Variants in SLC18A1 observed in about 807,000 individuals in gnomAD.
SLC18A1 encodes solute carrier family 18 member A1, also known as chromaffin granule amine transporter.
In SLC18A1, 69 loss-of-function variants were observed where a neutral mutation model predicts 53.7. The ratio of observed to expected loss-of-function variants is 1.28; its 90% confidence interval spans 1.06 to 1.57. The LOEUF (loss-of-function observed/expected upper bound fraction) is 1.57. Among genes scored for constraint, SLC18A1 ranks in the 40% most tolerant of loss-of-function variants. SLC18A1 has a pLI of 0.00. For synonymous variants in SLC18A1, 320 were observed against 248.1 expected, an observed-to-expected ratio of 1.29 and a Z score of -2.72; for missense variants, 932 against 668.1, an observed-to-expected ratio of 1.40 and a Z score of -4.35.
rs761637307 is a variant in SLC18A1 at position 20,174,354 on chromosome 8, G to A, written c.631+7C>T. On this transcript the variant is annotated splice_region_variant and intron_variant, in intron 5 of 15. Coordinates refer to ENST00000276373, the MANE Select transcript of SLC18A1 (RefSeq NM_003053.4). ...TGTGTGTGTGCATGATGAGTTGCCAGTGTTACCTGCAACAGATGAAAATGA... is the reference window on the plus strand; with the variant it reads ...TGTGTGTGTGCATGATGAGTTGCCAATGTTACCTGCAACAGATGAAAATGA... 1 of 1,606,956 alleles carries A rather than the reference G, an allele frequency of 6.2e-7. No individual in the cohort carries two copies. Among genetic ancestry groups the A allele is most frequent in the Non-Finnish European group, 8.5e-7 (1 of 1,173,504 alleles).
At chr8:20,146,227 T>C (rs923295872) in intron 15 of SLC18A1, among the ~76,000 whole-genome samples, 2 of 152,068 alleles carry the variant, frequency 1.3e-5, no homozygotes, top group Non-Finnish European at 2.9e-5. Context: ...CCACCGCACA[T>C]CTTTTTTTTA....
At chr8:20,175,274 T>G (rs1034207144) in intron 4 of SLC18A1, 1 of 152,202 alleles carries the variant, frequency 6.6e-6, no homozygotes, top group Non-Finnish European at 1.5e-5. Context: ...CTCATATTGT[T>G]CAAACACACA....
At chr8:20,169,557 T>G (rs1000323163) in intron 8 of SLC18A1, among the ~76,000 whole-genome samples, 1 of 152,052 alleles carries the variant, frequency 6.6e-6, no homozygotes, top group African/African-American at 2.4e-5. Flanking sequence ...ACATTAGTAA[T>G]AATAATAATA....
chr8:20,147,951 T>A (rs932165275), intron 13 of SLC18A1, 56 bp downstream of exon 13: 48 of 1,581,006 alleles, frequency 3.0e-5, no homozygotes, highest in Non-Finnish European at 3.8e-5. Context: ...AGGAAAGGCA[T>A]CAGACCCAAA....
rs1320418390 is a variant in SLC18A1 at position 20,165,082 on chromosome 8, A to G, written c.884T>C (p.Met295Thr). ...PESAKGTPLF[M>T]LLKDPYILVA... ...CAGGATGTAAGGGTCTTTGAGAAGC[A>G]TAAAGAGGGGAGTCCCCTTGGCACT... The change falls in exon 9 of 16, where the codon ATG becomes ACG. Residue 295 changes from methionine (M) to threonine (T), a missense_variant. Met to Thr is a moderately conservative substitution (Grantham distance 81). Coordinates refer to ENST00000276373, the MANE Select transcript of SLC18A1 (RefSeq NM_003053.4). 1 of 1,614,120 alleles carries G rather than the reference A, an allele frequency of 6.2e-7. No individual in the cohort carries two copies. Among genetic ancestry groups the G allele is most frequent in the Admixed American group, 1.7e-5 (1 of 60,010 alleles).
At position 20,157,383 on chromosome 8, in the gene SLC18A1, C is replaced by T. The variant is rs747141545; in HGVS notation, c.1016-6639G>A. ...TAGGGTGACAACAGAGGAAAGAGAA[C>T]GATTCCCCACAGGCCAGTAGGCAGT... On this transcript the variant is annotated intron_variant, in intron 10 of 15. Transcript: ENST00000276373. Among the ~76,000 whole-genome samples, 11 of 152,234 alleles carry T rather than the reference C, an allele frequency of 7.2e-5. No homozygotes were observed. In the East Asian group the frequency reaches 7.7e-4, roughly 11 times the overall value.
rs188373649 is a variant in SLC18A1, at chr8:20,159,837, G to A, written c.1015+5032C>T. On this transcript the variant is annotated intron_variant, in intron 10 of 15. Transcript: ENST00000276373. ...GTCTTGATTATTATCATCATAACTC[G>A]TGAGTGGCATGTCAGGACTTGAGTC... is the stretch of plus-strand genomic sequence containing the variant. Among the ~76,000 whole-genome samples, 441 of 152,122 alleles carry A rather than the reference G, an allele frequency of 2.9e-3. 2 individuals are homozygous for A. Among genetic ancestry groups the A allele is most frequent in the African/African-American group, 8.3e-3 (343 of 41,500 alleles).
At chr8:20,151,693 T>G (rs1463683692) in intron 10 of SLC18A1, among the ~76,000 whole-genome samples, 2 of 152,168 alleles carry the variant, frequency 1.3e-5, no homozygotes, top group African/African-American at 4.8e-5. Flanking sequence ...AACATGGGCT[T>G]TGGAGCCACA....
At chr8:20,154,004 C>A (rs773731896) in intron 10 of SLC18A1, among the ~76,000 whole-genome samples, 1 of 152,120 alleles carries the variant, frequency 6.6e-6, no homozygotes, top group African/African-American at 2.4e-5. Context: ...CCCATCCTCA[C>A]GGTAATGAGT....
rs950230969 is a variant in SLC18A1, at chr8:20,165,032, T to C, written c.919+15A>G. On this transcript the variant is annotated intron_variant, in intron 9 of 15. Coordinates refer to ENST00000276373, the MANE Select transcript of SLC18A1 (RefSeq NM_003053.4). ...CAGACACTCCCCGCCCAATGGGAGG[T>C]CATCGCCAGCTTACCTGCAGCCACC... 3 of 1,613,866 alleles carry C rather than the reference T, an allele frequency of 1.9e-6. No homozygotes were observed. The highest frequency in any genetic ancestry group is 2.5e-6 in the Non-Finnish European group (3 of 1,179,888).
chr8:20,150,256 C>T (rs1440616706), intron 11 of SLC18A1, among the ~76,000 whole-genome samples: 1 of 152,172 alleles, frequency 6.6e-6, no homozygotes, highest in Non-Finnish European at 1.5e-5. Flanking sequence ...GCTCTTGGCC[C>T]CCAACCCTTC....
intron 10 of SLC18A1, among the ~76,000 whole-genome samples, chr8:20,151,899 C>T (rs939297494): frequency 6.6e-6 from 1 of 152,128 alleles, no homozygotes; most frequent in African/African-American, 2.4e-5. Context: ...AAAATTCTAG[C>T]CCTCAGCTAG....
intron 8 of SLC18A1, among the ~76,000 whole-genome samples, chr8:20,168,124 A>G (rs1425157782): frequency 6.6e-6 from 1 of 152,130 alleles, no homozygotes; most frequent in African/African-American, 2.4e-5. Flanking sequence ...TGTCAAATCT[A>G]GGACAATTTG....
chr8:20,177,033 T>G (rs1056859355), intron 4 of SLC18A1, among the ~76,000 whole-genome samples: 6 of 152,214 alleles, frequency 3.9e-5, no homozygotes, highest in African/African-American at 1.4e-4. Context: ...ATCTGGGCAT[T>G]ATACATGCAC....
At chr8:20,168,010 A>G (rs936868748) in intron 8 of SLC18A1, among the ~76,000 whole-genome samples, 2 of 152,152 alleles carry the variant, frequency 1.3e-5, no homozygotes, top group Non-Finnish European at 2.9e-5. Flanking sequence ...GGGAAAGTAC[A>G]AGATGAACGT....
In SLC18A1 at chr8:20,178,491, A is replaced by G; in HGVS notation, c.491T>C (p.Ile164Thr). The change falls in exon 4 of 16, where the codon ATT becomes ACT. Residue 164 changes from isoleucine (I) to threonine (T), a missense_variant and splice_region_variant. Ile to Thr is a moderately conservative substitution (Grantham distance 89). Transcript: ENST00000276373. The part of the protein sequence containing the change: ...NPFVGPLTNR[I>T]GYHIPMFAGF... ...AGCAAACATGGGGATATGATATCCA[A>G]TCCTAAAAGGGAATTGAAAAAAAAA... 5 of 1,601,982 alleles carry G rather than the reference A, an allele frequency of 3.1e-6. No individual in the cohort carries two copies. Among genetic ancestry groups the G allele is most frequent in the East Asian group, 2.2e-5 (1 of 44,768 alleles).
intron 1 of SLC18A1, among the ~76,000 whole-genome samples, chr8:20,181,338 G>A (rs750023416): frequency 9.2e-5 from 14 of 152,120 alleles, no homozygotes; most frequent in Non-Finnish European, 1.8e-4. Flanking sequence ...TTAACCCTGT[G>A]TTTTTCAAAC....
chr8:20,158,030 C>G (rs7009166), intron 10 of SLC18A1, among the ~76,000 whole-genome samples: 1 of 152,208 alleles, frequency 6.6e-6, no homozygotes, highest in African/African-American at 2.4e-5. Context: ...TCCCAGGGGA[C>G]GAAGGTCCTC....
At chr8:20,170,112 T>A (rs969725498) in intron 8 of SLC18A1, among the ~76,000 whole-genome samples, 3 of 151,830 alleles carry the variant, frequency 2.0e-5, no homozygotes, top group African/African-American at 7.3e-5. Flanking sequence ...CCTGGATGGG[T>A]GGTGGTTATG....
Sources: gnomAD v4.1 joint callset for allele counts (sites outside exome capture counted in the v4.1 genomes callset) on GRCh38, gnomAD v4.1.1 for gene constraint, MANE v1.5 for transcripts, NCBI Gene and HGNC (gene_info 2026-07-23, HGNC 2026-07-21) for gene names.